PRKN: variants seen among roughly 807,000 people sequenced by gnomAD.
The protein encoded by PRKN is E3 ubiquitin-protein ligase parkin.
A neutral mutation model predicts 59.5 loss-of-function variants in PRKN; 56 were observed. That is an observed-to-expected ratio of 0.94 (90% CI 0.76 to 1.18). The LOEUF is 1.18. Among genes scored for constraint, PRKN ranks in the 50% most tolerant of loss-of-function variants. The pLI, the probability that PRKN is intolerant of heterozygous loss-of-function variation, is 0.00. For synonymous variants in PRKN, 250 were observed against 222.1 expected, an observed-to-expected ratio of 1.13 and a Z score of -1.12; for missense variants, 657 against 596.4, an observed-to-expected ratio of 1.10 and a Z score of -1.06.
intron 3 of PRKN, among the ~76,000 whole-genome samples, chr6:162,257,245 T>C (rs142692281): frequency 0.026 from 3,979 of 152,134 alleles, 177 homozygotes; most frequent in African/African-American, 0.092. Flanking sequence ...CCGGGGTCAG[T>C]GGATTACCTG....
Position 161,752,684 on chromosome 6 carries a change from C to A in PRKN, c.871+33088G>T, listed in dbSNP as rs115407072. Reference sequence around the variant, plus strand: ...TTCCAGCCTGGGTAACACAGCAAGACCCCGTCTCAAACAAACAAACAAAAA... The same window carrying A: ...TTCCAGCCTGGGTAACACAGCAAGAACCCGTCTCAAACAAACAAACAAAAA... On this transcript the variant is annotated intron_variant, in intron 7 of 11. Coordinates refer to ENST00000366898, the MANE Select transcript of PRKN (RefSeq NM_004562.3). Among the ~76,000 whole-genome samples the A allele has an allele frequency of 3.2e-3, 489 of 152,260 alleles. 4 individuals are homozygous for A. Among genetic ancestry groups the A allele is most frequent in the African/African-American group, 0.011 (470 of 41,544 alleles).
At chr6:162,448,846 C>T (rs1428028337) in intron 1 of PRKN, among the ~76,000 whole-genome samples, 4 of 150,406 alleles carry the variant, frequency 2.7e-5, no homozygotes, top group African/African-American at 9.8e-5. Context: ...CCTTCCCTTC[C>T]TCCCTCCCTC....
At chr6:162,069,080 G>T (rs534320713) in intron 4 of PRKN, among the ~76,000 whole-genome samples, 13 of 152,124 alleles carry the variant, frequency 8.5e-5, no homozygotes, top group Non-Finnish European at 1.8e-4. Flanking sequence ...CTTGGGAGAT[G>T]ATATGGTTTG....
At position 161,562,930 on chromosome 6, in the gene PRKN, A is replaced by G. The variant is rs1348574025; in HGVS notation, c.933+6425T>C. On this transcript the variant is annotated intron_variant, in intron 8 of 11. Coordinates refer to ENST00000366898, the MANE Select transcript of PRKN (RefSeq NM_004562.3). This position sits in a 1 kb window ranked among gnomAD's most constrained non-coding sequence, Gnocchi z 4.3. ...CCACTAAACTCAGAACAAAACCCAT[A>G]TGCTTAACCCTGGTGTCCTTGGTCC... 2.0e-5 allele frequency among the ~76,000 whole-genome samples: 3 copies of G among 152,150 alleles called. No homozygotes were observed. Among genetic ancestry groups the G allele is most frequent in the Admixed American group, 2.0e-4 (3 of 15,282 alleles).
At chr6:162,151,221 G>GGT (rs1451348052) in intron 4 of PRKN, among the ~76,000 whole-genome samples, 7 of 152,128 alleles carry the variant, frequency 4.6e-5, no homozygotes, top group Non-Finnish European at 8.8e-5. Flanking sequence ...TGGGTCAGAG[G>GGT]GTGTTCCCAC....
At chr6:162,059,075 CTT>C (rs1224740858) in intron 4 of PRKN, among the ~76,000 whole-genome samples, 1 of 151,536 alleles carries the variant, frequency 6.6e-6, no homozygotes, top group East Asian at 1.9e-4. Context: ...TTCAGTGAGA[CTT>C]TTCTGTGCAT....
At chr6:161,421,167 G>C (rs1012863034) in intron 9 of PRKN, among the ~76,000 whole-genome samples, 9 of 152,142 alleles carry the variant, frequency 5.9e-5, no homozygotes, top group Non-Finnish European at 1.2e-4. Context: ...GCACTCGAGG[G>C]CCCATACCCC....
At chr6:162,274,057 T>C (rs1031894522) in intron 2 of PRKN, among the ~76,000 whole-genome samples, 2 of 152,234 alleles carry the variant, frequency 1.3e-5, no homozygotes, top group South Asian at 4.2e-4. Context: ...TATTTATGTG[T>C]CCATAATTTT....
intron 2 of PRKN, among the ~76,000 whole-genome samples, chr6:162,266,986 C>CA (rs1304351350): frequency 4.6e-5 from 7 of 151,846 alleles, no homozygotes; most frequent in African/African-American, 9.7e-5. Flanking sequence ...AAAATCGATA[C>CA]AAAAAAATAA....
chr6:162,319,426 C>A (rs1782891772), intron 2 of PRKN, among the ~76,000 whole-genome samples: 1 of 151,964 alleles, frequency 6.6e-6, no homozygotes, highest in Admixed American at 6.6e-5. Context: ...AGATGAACCA[C>A]TCAACCAGCC....
intron 9 of PRKN, among the ~76,000 whole-genome samples, chr6:161,514,910 C>A (rs1778530604): frequency 6.6e-6 from 1 of 152,120 alleles, no homozygotes; most frequent in Non-Finnish European, 1.5e-5. Flanking sequence ...TTCCTCTCCC[C>A]TGAAGCCAAG....
chr6:162,226,333 G>A (rs559103260), intron 3 of PRKN, among the ~76,000 whole-genome samples: 6 of 152,176 alleles, frequency 3.9e-5, no homozygotes, highest in East Asian at 3.9e-4. Context: ...CCAAGGCTGC[G>A]CTGCACCCCT....
At chr6:162,363,938 C>T (rs1180555512) in intron 2 of PRKN, among the ~76,000 whole-genome samples, 1 of 152,152 alleles carries the variant, frequency 6.6e-6, no homozygotes, top group African/African-American at 2.4e-5. Context: ...AACAGTAGTC[C>T]CAGCTCAGTA....
intron 6 of PRKN, among the ~76,000 whole-genome samples, chr6:161,880,625 C>T (rs1218470065): frequency 6.6e-6 from 1 of 152,170 alleles, no homozygotes; most frequent in South Asian, 2.1e-4. Context: ...GGTTTGGCTG[C>T]TCCTGGCTTG....
chr6:162,228,224 A>T (rs762245650), intron 3 of PRKN, among the ~76,000 whole-genome samples: 1 of 152,204 alleles, frequency 6.6e-6, no homozygotes. Context: ...AAATGCACAA[A>T]CCACAAAATC....
intron 9 of PRKN, among the ~76,000 whole-genome samples, chr6:161,420,422 A>G (rs991327999): frequency 6.6e-6 from 1 of 152,136 alleles, no homozygotes; most frequent in African/African-American, 2.4e-5. Flanking sequence ...GGATAAAATG[A>G]CTATATATGA....
At chr6:161,663,969 T>C (rs945352557) in intron 7 of PRKN, among the ~76,000 whole-genome samples, 1 of 152,180 alleles carries the variant, frequency 6.6e-6, no homozygotes, top group African/African-American at 2.4e-5. Flanking sequence ...GTCAAAACAG[T>C]GCTCCCGGGA....
intron 9 of PRKN, among the ~76,000 whole-genome samples, chr6:161,387,715 G>A (rs1412676741): frequency 6.6e-6 from 1 of 152,176 alleles, no homozygotes; most frequent in Non-Finnish European, 1.5e-5. Flanking sequence ...AAAAAGAAAT[G>A]GGTGGCTATG....
intron 6 of PRKN, among the ~76,000 whole-genome samples, chr6:161,875,011 T>A (rs1352062861): frequency 1.0e-5 from 1 of 95,346 alleles, no homozygotes; most frequent in South Asian, 3.1e-4. Flanking sequence ...ATATTATATA[T>A]TATATATAAA....
Sources: allele counts gnomAD v4.1 joint callset (sites outside exome capture counted in the v4.1 genomes callset), GRCh38; gene constraint gnomAD v4.1.1; non-coding constraint Gnocchi (gnomAD v3.1); transcripts MANE v1.5; gene names NCBI Gene and HGNC (gene_info 2026-07-23, HGNC 2026-07-21).